The following NEGR1 variants were observed in gnomAD, a reference collection of about 807,000 sequenced individuals.
NEGR1 encodes neuronal growth regulator 1, also known as IgLON family member 4.
Under a neutral mutation model 40.9 loss-of-function variants are expected in NEGR1, and 10 were observed. The observed-to-expected ratio is 0.24, with a 90% CI of 0.15 to 0.42. NEGR1 has a LOEUF of 0.42. Ranked by LOEUF, NEGR1 falls within the 10% of genes least tolerant of loss-of-function variation. NEGR1 has a pLI of 1.00. For missense variants in NEGR1, 352 were observed against 438.9 expected (o/e 0.80, Z 1.77); for synonymous variants, 185 against 166.8 (o/e 1.11, Z -0.84).
chr1:71,484,727 A>G (rs1393198298), intron 6 of NEGR1: 2 of 151,742 alleles, frequency 1.3e-5, no homozygotes, highest in African/African-American at 4.8e-5. Flanking sequence ...TTTGTGGCTG[A>G]GCAAATGCAT....
intron 2 of NEGR1, among the ~76,000 whole-genome samples, chr1:71,803,421 C>A (rs1321709656): frequency 1.3e-5 from 2 of 152,108 alleles, no homozygotes; most frequent in Admixed American, 6.6e-5. Context: ...GAATAATATA[C>A]CATCACACTC....
intron 4 of NEGR1, among the ~76,000 whole-genome samples, chr1:71,672,104 T>C (rs1321408772): frequency 1.3e-5 from 2 of 152,104 alleles, no homozygotes; most frequent in Non-Finnish European, 2.9e-5. Context: ...ATACGGAGCA[T>C]GCCAAATATC....
intron 1 of NEGR1, among the ~76,000 whole-genome samples, chr1:72,191,997 T>G (rs1385081514): frequency 6.6e-6 from 1 of 151,960 alleles, no homozygotes; most frequent in Non-Finnish European, 1.5e-5. Context: ...TACTGTTTTA[T>G]CTCATATAAA....
intron 6 of NEGR1, among the ~76,000 whole-genome samples, chr1:71,463,725 T>G (rs1252501665): frequency 2.0e-5 from 3 of 152,288 alleles, no homozygotes; most frequent in South Asian, 4.1e-4. Context: ...GGACACTGTC[T>G]TATGCATTTC....
At chr1:72,088,241 A>G (rs112092290) in intron 1 of NEGR1, among the ~76,000 whole-genome samples, 34 of 152,192 alleles carry the variant, frequency 2.2e-4, no homozygotes, top group African/African-American at 7.2e-4. Flanking sequence ...AACATCACCT[A>G]CAACTTGTTA....
intron 2 of NEGR1, among the ~76,000 whole-genome samples, chr1:71,850,348 G>A (rs181480640): frequency 2.6e-5 from 4 of 151,958 alleles, no homozygotes; most frequent in Non-Finnish European, 4.4e-5. Context: ...TAGAGATGGT[G>A]TTTTGCTATG....
chr1:71,759,147 T>C (rs1318622999), intron 3 of NEGR1, among the ~76,000 whole-genome samples: 1 of 152,164 alleles, frequency 6.6e-6, no homozygotes, highest in African/African-American at 2.4e-5. Flanking sequence ...TATACATTGG[T>C]AGTACCTAAT....
At chr1:71,811,857 TATTTATTTTATTTTA>T (rs1292652313) in intron 2 of NEGR1, among the ~76,000 whole-genome samples, 2 of 135,170 alleles carry the variant, frequency 1.5e-5, no homozygotes, top group Non-Finnish European at 3.1e-5. Flanking sequence ...AAGTTCTATT[TATTTATTTTATTTTA>T]TTTTATTTTA....
At position 71,877,346 on chromosome 1, in the gene NEGR1, A is replaced by G. The variant is rs115196643; in HGVS notation, c.409+57733T>C. 1.1e-3 allele frequency among the ~76,000 whole-genome samples: 162 copies of G among 152,224 alleles called. 1 individual carries two copies. The highest frequency in any genetic ancestry group is 3.7e-3 in the African/African-American group (155 of 41,544). On this transcript the variant is annotated intron_variant, in intron 2 of 6. Coordinates refer to ENST00000357731, the MANE Select transcript of NEGR1 (RefSeq NM_173808.3). Reference sequence around the variant, plus strand: ...GTACTGGGTGACTTAAACAACAGAAATTTATTTTTTTCATAGTTCTGAAGG... The same window carrying G: ...GTACTGGGTGACTTAAACAACAGAAGTTTATTTTTTTCATAGTTCTGAAGG...
At chr1:71,951,899 C>G (rs1646073922) in intron 1 of NEGR1, among the ~76,000 whole-genome samples, 1 of 151,810 alleles carries the variant, frequency 6.6e-6, no homozygotes, top group African/African-American at 2.4e-5. Context: ...AATCAGTTAT[C>G]TTTGATGTTA....
chr1:71,882,675 C>T (rs1025256122), intron 2 of NEGR1, among the ~76,000 whole-genome samples: 5 of 149,222 alleles, frequency 3.4e-5, no homozygotes, highest in Non-Finnish European at 5.9e-5. Context: ...ACCCAGTACT[C>T]GTGATAACAG....
intron 2 of NEGR1, among the ~76,000 whole-genome samples, chr1:71,896,035 CTTT>C (rs71074810): frequency 0.093 from 10,369 of 110,934 alleles, 291 homozygotes; most frequent in Non-Finnish European, 0.12. Context: ...TAACGTTTAA[CTTT>C]TTTTTTTTTT....
At chr1:71,843,006 C>A (rs1659295610) in intron 2 of NEGR1, among the ~76,000 whole-genome samples, 1 of 152,080 alleles carries the variant, frequency 6.6e-6, no homozygotes, top group Admixed American at 6.6e-5. Context: ...CTTCTTTGGG[C>A]AATATTTCTG....
chr1:71,689,693 G>T (rs1372903587), intron 4 of NEGR1, among the ~76,000 whole-genome samples: 2 of 151,834 alleles, frequency 1.3e-5, no homozygotes, highest in Non-Finnish European at 2.9e-5. Flanking sequence ...TCATTATACA[G>T]ATGTCTTTCA....
chr1:72,173,739 G>A (rs1652051854), intron 1 of NEGR1, among the ~76,000 whole-genome samples: 2 of 152,058 alleles, frequency 1.3e-5, no homozygotes, highest in South Asian at 2.1e-4. Context: ...TGAGGAGTTC[G>A]AGACAAGCCT....
chr1:72,066,237 G>A (rs1456977513), intron 1 of NEGR1, among the ~76,000 whole-genome samples: 1 of 152,058 alleles, frequency 6.6e-6, no homozygotes, highest in Non-Finnish European at 1.5e-5. Flanking sequence ...CAGCCGATAA[G>A]TGGTGGAGCT....
At chr1:71,663,284 G>A (rs1167352669) in intron 4 of NEGR1, among the ~76,000 whole-genome samples, 4 of 151,906 alleles carry the variant, frequency 2.6e-5, no homozygotes, top group Non-Finnish European at 5.9e-5. Context: ...TAGTGGTTAC[G>A]TGTGCAACTT....
chr1:71,873,551 T>C (rs1660341079), intron 2 of NEGR1, among the ~76,000 whole-genome samples: 1 of 152,182 alleles, frequency 6.6e-6, no homozygotes, highest in Admixed American at 6.6e-5. Context: ...AGCATTATTA[T>C]ACAAAATTAA....
chr1:71,925,936 T>C (rs958736321), intron 2 of NEGR1, among the ~76,000 whole-genome samples: 2 of 151,810 alleles, frequency 1.3e-5, no homozygotes, highest in African/African-American at 4.9e-5. Flanking sequence ...CTTACACAGT[T>C]ATTTTCTTTG....
Sources: gnomAD v4.1 joint callset for allele counts (sites outside exome capture counted in the v4.1 genomes callset) on GRCh38, gnomAD v4.1.1 for gene constraint, MANE v1.5 for transcripts, NCBI Gene and HGNC (gene_info 2026-07-23, HGNC 2026-07-21) for gene names.